Variants in CSMD3 observed in about 807,000 individuals in gnomAD.
CSMD3 encodes CUB and sushi domain-containing protein 3.
Under a neutral mutation model 435.2 loss-of-function variants are expected in CSMD3, and 177 were observed. That is an observed-to-expected ratio of 0.41 (90% confidence interval 0.36 to 0.46). CSMD3 has a LOEUF of 0.46. CSMD3 is among the 20% of genes least tolerant of loss of function. CSMD3 has a pLI of 0.34. For missense variants in CSMD3, 4,265 were observed against 4,504.6 expected, an observed-to-expected ratio of 0.95 and a Z score of 1.52; for synonymous variants, 1,656 against 1,520.5, an observed-to-expected ratio of 1.09 and a Z score of -2.07.
rs1031840157 is a variant in CSMD3, at chr8:112,265,443, C to A, written c.9656G>T (p.Gly3219Val). Residue 3219 changes from glycine (G) to valine (V), a missense_variant, in exon 60 of 71, where the codon GGC becomes GTC. Transcript: ENST00000297405. ...AGTTGGCATTACTCCACTCCATGTG[C>A]CATTAATTGTACAAGTCCTGATTCT... ...GSRIRTCTIN[G>V]TWSGVMPTCR... 1 of 1,613,622 alleles carries A rather than the reference C, an allele frequency of 6.2e-7. No individual in the cohort carries two copies. The highest frequency in any genetic ancestry group is 8.5e-7 in the Non-Finnish European group (1 of 1,179,658).
intron 6 of CSMD3, among the ~76,000 whole-genome samples, chr8:112,988,484 G>A (rs2085334027): frequency 6.6e-6 from 1 of 151,938 alleles, no homozygotes; most frequent in Non-Finnish European, 1.5e-5. Flanking sequence ...TTATAAAACA[G>A]TTCTTAGTAA....
chr8:113,268,513 A>C (rs983078075), intron 3 of CSMD3, among the ~76,000 whole-genome samples: 3 of 151,942 alleles, frequency 2.0e-5, no homozygotes, highest in Non-Finnish European at 4.4e-5. Flanking sequence ...CTAGATATTC[A>C]TTAGAAAATT....
intron 31 of CSMD3, among the ~76,000 whole-genome samples, chr8:112,473,941 A>G (rs16883695): frequency 0.017 from 2,642 of 152,116 alleles, 79 homozygotes; most frequent in African/African-American, 0.06. Flanking sequence ...TGTTGCCGAC[A>G]GCTAGTAGGA....
chr8:112,887,377 T>C (rs993050929), intron 10 of CSMD3, among the ~76,000 whole-genome samples: 1 of 151,226 alleles, frequency 6.6e-6, no homozygotes, highest in Non-Finnish European at 1.5e-5. Context: ...GGTAATCTAA[T>C]AGAGTATTAA....
At chr8:113,188,020 A>G (rs1405225555) in intron 3 of CSMD3, among the ~76,000 whole-genome samples, 1 of 151,972 alleles carries the variant, frequency 6.6e-6, no homozygotes, top group Non-Finnish European at 1.5e-5. Flanking sequence ...GCCTATCCAG[A>G]TATTTCCATT....
At position 112,901,206 on chromosome 8, in the gene CSMD3, T is replaced by C. The variant is rs555660370; in HGVS notation, c.1633+20421A>G. ...CAGATATGAGGGGCAGTGAGATTAATACTTGATAAGGAAACATGACAATTG... is the reference window on the plus strand; with the variant it reads ...CAGATATGAGGGGCAGTGAGATTAACACTTGATAAGGAAACATGACAATTG... On this transcript the variant is annotated intron_variant, in intron 10 of 70. Transcript: ENST00000297405. Among the ~76,000 whole-genome samples, 4 of 151,436 alleles carry C rather than the reference T, an allele frequency of 2.6e-5. No individual in the cohort carries two copies. In the South Asian group the frequency reaches 8.3e-4, roughly 31 times the overall value.
At chr8:113,426,008 T>G (rs2094634038) in intron 1 of CSMD3, among the ~76,000 whole-genome samples, 1 of 151,514 alleles carries the variant, frequency 6.6e-6, no homozygotes, top group Admixed American at 6.6e-5. Context: ...AAATATTTTG[T>G]CTAGAGTACA....
chr8:112,292,319 AAGTT>A (rs1202208353), intron 55 of CSMD3, among the ~76,000 whole-genome samples: 2 of 152,298 alleles, frequency 1.3e-5, no homozygotes, highest in East Asian at 1.9e-4. Context: ...TTACAAAAGA[AAGTT>A]AGAAATTAAC....
intron 13 of CSMD3, among the ~76,000 whole-genome samples, chr8:112,710,447 T>A (rs568977820): frequency 6.6e-6 from 1 of 152,146 alleles, no homozygotes; most frequent in Non-Finnish European, 1.5e-5. Flanking sequence ...TTTCTTTCTA[T>A]ACTGCTTTTG....
chr8:112,804,132 T>A (rs2079024956), intron 12 of CSMD3, among the ~76,000 whole-genome samples: 1 of 152,174 alleles, frequency 6.6e-6, no homozygotes, highest in Admixed American at 6.5e-5. Context: ...TTGATTTCCA[T>A]TAGCAGTTTG....
intron 3 of CSMD3, among the ~76,000 whole-genome samples, chr8:113,259,601 A>G (rs2093410679): frequency 6.6e-6 from 1 of 152,108 alleles, no homozygotes; most frequent in Admixed American, 6.6e-5. Context: ...AAAACTGAGC[A>G]CTATGCCATT....
At chr8:112,301,653 T>TAAAAA in intron 53 of CSMD3, 140 bp downstream of exon 53, 1 of 669,898 alleles carries the variant, frequency 1.5e-6, no homozygotes, top group East Asian at 2.7e-5. Context: ...GAGCCATTTT[T>TAAAAA]AAAGATAAGT....
rs2131190747 is a variant in CSMD3 at position 112,550,863 on chromosome 8, G to A, written c.4372C>T (p.Leu1458Phe). ...DPGNIVSLQFLAFDTEASHDI... is the reference protein window; with the variant it reads ...DPGNIVSLQFFAFDTEASHDI... The stretch of plus-strand genomic sequence containing the variant: ...TGTGATGCTTCCGTATCAAAAGCAA[G>A]AAACTGCAAGCTGTGGGAGAACCAT... Residue 1458 changes from leucine (L) to phenylalanine (F), a missense_variant, in exon 27 of 71, where the codon CTT becomes TTT. This residue lies in a region of CSMD3 where 3,255 missense variants were observed against 3,380.2 expected (regional missense o/e 0.96). Transcript: ENST00000297405. 1 of 1,609,120 alleles carries A rather than the reference G, an allele frequency of 6.2e-7. No homozygotes were observed. Among genetic ancestry groups the A allele is most frequent in the Non-Finnish European group, 8.5e-7 (1 of 1,175,850 alleles).
rs1251666770 is a variant in CSMD3, at chr8:112,348,446, G to A, written c.6326-2233C>T. 2.0e-5 allele frequency among the ~76,000 whole-genome samples: 3 copies of A among 152,146 alleles called. No homozygotes were observed. In the East Asian group the frequency reaches 5.8e-4, roughly 29 times the overall value. ...CGAGGCTGTAGCCTTGTTATCTGAT[G>A]ACTAGTGTTTTAAGACATTCGCTGA... is the stretch of plus-strand genomic sequence containing the variant. On this transcript the variant is annotated intron_variant, in intron 40 of 70. Coordinates refer to ENST00000297405, the MANE Select transcript of CSMD3 (RefSeq NM_198123.2).
At chr8:112,883,891 C>T (rs1168734651) in intron 10 of CSMD3, among the ~76,000 whole-genome samples, 1 of 151,716 alleles carries the variant, frequency 6.6e-6, no homozygotes, top group Non-Finnish European at 1.5e-5. Context: ...TTAATAAAAC[C>T]AATGTGGAAC....
intron 3 of CSMD3, among the ~76,000 whole-genome samples, chr8:113,205,942 A>C (rs2092766439): frequency 6.6e-6 from 1 of 152,012 alleles, no homozygotes; most frequent in Non-Finnish European, 1.5e-5. Context: ...TCAGTGTAGA[A>C]TAGAAGCTGA....
chr8:113,086,246 CAA>C (rs796175442), intron 5 of CSMD3, among the ~76,000 whole-genome samples: 64 of 111,358 alleles, frequency 5.7e-4, no homozygotes, highest in Non-Finnish European at 7.2e-4. Context: ...GAGACTCCGT[CAA>C]AAAAAAAAAA....
chr8:113,321,286 T>C (rs2093947745), intron 1 of CSMD3, among the ~76,000 whole-genome samples: 1 of 152,192 alleles, frequency 6.6e-6, no homozygotes, highest in Non-Finnish European at 1.5e-5. Context: ...TAACTGATTT[T>C]TGTTTTTATA....
chr8:112,623,879 T>C (rs921937245), intron 22 of CSMD3, among the ~76,000 whole-genome samples: 2 of 152,032 alleles, frequency 1.3e-5, no homozygotes, highest in African/African-American at 4.8e-5. Context: ...CTCAGTTTGG[T>C]AAATTAATGA....
Sources: gnomAD v4.1 joint callset for allele counts (sites outside exome capture counted in the v4.1 genomes callset) on GRCh38, gnomAD v4.1.1 for gene constraint, gnomAD v4.1.1 regional missense constraint, MANE v1.5 for transcripts, NCBI Gene and HGNC (gene_info 2026-07-23, HGNC 2026-07-21) for gene names.